The following COBL variants were observed in gnomAD, a reference collection of about 807,000 sequenced individuals.
COBL encodes the protein protein cordon-bleu.
In COBL, 51 loss-of-function variants were observed where a neutral mutation model predicts 98.8. The observed-to-expected ratio is 0.52, with a 90% CI of 0.41 to 0.65. COBL has a LOEUF of 0.65. Ranked by LOEUF, COBL falls within the 30% of genes least tolerant of loss-of-function variation. The pLI is 0.00. For missense variants in COBL, 1,617 were observed against 1,617.5 expected, an observed-to-expected ratio of 1.00 and a Z score of 0.01; for synonymous variants, 634 against 651.7, an observed-to-expected ratio of 0.97 and a Z score of 0.41.
At chr7:51,293,155 G>T (rs1801075095) in intron 1 of COBL, among the ~76,000 whole-genome samples, 1 of 152,130 alleles carries the variant, frequency 6.6e-6, no homozygotes. Flanking sequence ...TGTTTGCTTT[G>T]TTTTGTTTTC....
At chr7:51,180,979 T>C (rs528783337) in intron 5 of COBL, among the ~76,000 whole-genome samples, 1 of 152,346 alleles carries the variant, frequency 6.6e-6, no homozygotes, top group East Asian at 1.9e-4. Context: ...TTCCAAAGAC[T>C]AGAGATGATT....
chr7:51,300,486 A>G (rs111741789), intron 1 of COBL, among the ~76,000 whole-genome samples: 3,030 of 152,246 alleles, frequency 0.02, 63 homozygotes, highest in Middle Eastern at 0.044. Flanking sequence ...AAAGCGGGGA[A>G]GCCTCTCACA....
intron 5 of COBL, among the ~76,000 whole-genome samples, chr7:51,160,233 G>A (rs942648334): frequency 2.0e-5 from 3 of 152,112 alleles, no homozygotes; most frequent in Non-Finnish European, 4.4e-5. Context: ...ACCTTAGAAT[G>A]ATTTTTCTAG....
At chr7:51,172,453 C>T in intron 5 of COBL, 1 of 1,287,604 alleles carries the variant, frequency 7.8e-7, no homozygotes, top group South Asian at 1.2e-5. Flanking sequence ...CATTAGTACT[C>T]ACGTTCAAAC....
chr7:51,274,928 G>T (rs962867514), intron 1 of COBL, among the ~76,000 whole-genome samples: 1 of 152,156 alleles, frequency 6.6e-6, no homozygotes, highest in African/African-American at 2.4e-5. Flanking sequence ...TTGATTTTTA[G>T]GTCTGCATAT....
At chr7:51,152,472 T>C (rs993054481) in intron 5 of COBL, among the ~76,000 whole-genome samples, 6 of 152,200 alleles carry the variant, frequency 3.9e-5, no homozygotes, top group African/African-American at 1.4e-4. Flanking sequence ...ACAGGGCTGA[T>C]TGCATTTTTA....
chr7:51,315,553 C>G (rs1229693598), intron 1 of COBL, among the ~76,000 whole-genome samples: 1 of 151,904 alleles, frequency 6.6e-6, no homozygotes, highest in African/African-American at 2.4e-5. Flanking sequence ...ATTCAGTAAG[C>G]AGGTGCAGGG....
At chr7:51,105,988 T>A in intron 6 of COBL, among the ~76,000 whole-genome samples, 2 of 147,274 alleles carry the variant, frequency 1.4e-5, no homozygotes, top group South Asian at 2.2e-4. Context: ...AGGTCAGGAG[T>A]TCGAGACCAG....
At chr7:51,020,107 G>A (rs551134579) in intron 12 of COBL, among the ~76,000 whole-genome samples, 11 of 152,320 alleles carry the variant, frequency 7.2e-5, no homozygotes, top group South Asian at 4.1e-4. Context: ...TCAATAGGAC[G>A]TTTCCCAAAG....
intron 1 of COBL, chr7:51,259,568 C>A: frequency 2.7e-6 from 2 of 732,854 alleles, no homozygotes; most frequent in Non-Finnish European, 4.9e-6. Context: ...ACCATGAGAT[C>A]TCCTGGAAAT....
At chr7:51,101,043 C>G (rs748521385) in intron 6 of COBL, among the ~76,000 whole-genome samples, 3 of 152,218 alleles carry the variant, frequency 2.0e-5, no homozygotes, top group Non-Finnish European at 4.4e-5. Context: ...TTTGGAGAAG[C>G]ATTAAACTCC....
At chr7:51,272,474 T>C (rs981201688) in intron 1 of COBL, among the ~76,000 whole-genome samples, 9 of 152,174 alleles carry the variant, frequency 5.9e-5, no homozygotes, top group Non-Finnish European at 1.3e-4. Flanking sequence ...ATTAGAAGAA[T>C]CATCAGTATT....
At chr7:51,095,424 T>G (rs951495493) in intron 6 of COBL, among the ~76,000 whole-genome samples, 1 of 151,816 alleles carries the variant, frequency 6.6e-6, no homozygotes, top group South Asian at 2.1e-4. Context: ...ACTACAAACG[T>G]CAACAAAATA....
At chr7:51,266,262 C>G (rs1798191623) in intron 1 of COBL, among the ~76,000 whole-genome samples, 1 of 152,192 alleles carries the variant, frequency 6.6e-6, no homozygotes, top group Non-Finnish European at 1.5e-5. Context: ...AACTTAATTT[C>G]TGACTTTTTA....
At position 51,316,651 on chromosome 7, in the gene COBL, C is replaced by T. The variant is rs1803641668; in HGVS notation, c.-18G>A. 3 of 1,194,298 alleles carry T rather than the reference C, an allele frequency of 2.5e-6. No individual in the cohort carries two copies. Among genetic ancestry groups the T allele is most frequent in the Non-Finnish European group, 3.1e-6 (3 of 963,636 alleles). The allele number at this position is 1,194,298 out of a possible 1,614,324, so 74.0% of individuals were successfully genotyped here. A position where few individuals can be genotyped will look rare whatever the true frequency, so the allele number is the denominator to read the frequency against. Reference sequence around the variant, plus strand: ...GCGTCCATGGTGCCGGGGGCCGGGACGCGGGCGGTGCTCCGGGCCCGCCGA... The same window carrying T: ...GCGTCCATGGTGCCGGGGGCCGGGATGCGGGCGGTGCTCCGGGCCCGCCGA... On this transcript the variant is annotated 5_prime_UTR_variant, in exon 1 of 13. Coordinates refer to ENST00000265136, the MANE Select transcript of COBL (RefSeq NM_015198.5).
chr7:51,118,469 T>A (rs1057148270), intron 6 of COBL, among the ~76,000 whole-genome samples: 2 of 151,986 alleles, frequency 1.3e-5, no homozygotes, highest in Non-Finnish European at 2.9e-5. Flanking sequence ...GCAGAGACAA[T>A]CCTCGCATCC....
At chr7:51,296,771 C>A (rs1399369076) in intron 1 of COBL, among the ~76,000 whole-genome samples, 1 of 152,138 alleles carries the variant, frequency 6.6e-6, no homozygotes, top group Non-Finnish European at 1.5e-5. Flanking sequence ...CGCCTTTTTC[C>A]AAAGCAATTT....
intron 1 of COBL, among the ~76,000 whole-genome samples, chr7:51,311,423 G>A (rs898197243): frequency 4.6e-5 from 7 of 152,226 alleles, no homozygotes; most frequent in South Asian, 2.1e-4. Flanking sequence ...ATTGTCTATT[G>A]TCGCACCAGA....
intron 7 of COBL, among the ~76,000 whole-genome samples, chr7:51,049,395 T>G (rs1405936282): frequency 6.6e-6 from 1 of 152,138 alleles, no homozygotes; most frequent in Non-Finnish European, 1.5e-5. Flanking sequence ...AGACTTGGAA[T>G]GATGCTGGTC....
Sources: gnomAD v4.1 joint callset for allele counts (sites outside exome capture counted in the v4.1 genomes callset) on GRCh38, gnomAD v4.1.1 for gene constraint, MANE v1.5 for transcripts, NCBI Gene and HGNC (gene_info 2026-07-23, HGNC 2026-07-21) for gene names.